Variants in RPS6KC1 observed in about 807,000 individuals in gnomAD.
RPS6KC1 encodes inactive ribosomal protein S6 kinase delta-1.
Under a neutral mutation model 103.8 loss-of-function variants are expected in RPS6KC1, and 54 were observed. The observed-to-expected ratio is 0.52, with a 90% confidence interval of 0.42 to 0.65. The LOEUF (loss-of-function observed/expected upper bound fraction) is 0.65, where lower values mean the gene tolerates loss of function less well. Among genes scored for constraint, RPS6KC1 ranks in the 30% least tolerant of loss-of-function variants. The pLI is 0.00. For synonymous variants in RPS6KC1, 439 were observed against 438.7 expected, an observed-to-expected ratio of 1.00 and a Z score of -0.01; for missense variants, 1,151 against 1,253.8, an observed-to-expected ratio of 0.92 and a Z score of 1.24.
At chr1:213,205,949 A>G (rs2148626622) in intron 8 of RPS6KC1, among the ~76,000 whole-genome samples, 1 of 152,234 alleles carries the variant, frequency 6.6e-6, no homozygotes, top group East Asian at 1.9e-4. Context: ...TCCGATGAGC[A>G]TTTCCTTTGA....
At chr1:213,492,227 G>A in the RPS6KC1 span, 4 of 152,234 alleles carry the variant, frequency 2.6e-5, no homozygotes, top group Admixed American at 2.0e-4. Context: ...GACCCCACTC[G>A]GGTGGCCACA....
intron 12 of RPS6KC1, among the ~76,000 whole-genome samples, chr1:213,256,024 A>G (rs1459240168): frequency 1.3e-5 from 2 of 151,552 alleles, no homozygotes; most frequent in East Asian, 1.9e-4. Flanking sequence ...AAATTATTCA[A>G]TGTCTTCTTT....
the RPS6KC1 span, among the ~76,000 whole-genome samples, chr1:213,319,394 T>C: frequency 6.6e-6 from 1 of 151,880 alleles, no homozygotes; most frequent in African/African-American, 2.4e-5. Flanking sequence ...GGAGGCTCTT[T>C]AGACAGAGTA....
At chr1:213,105,262 A>G (rs551038219) in intron 4 of RPS6KC1, among the ~76,000 whole-genome samples, 78 of 109,188 alleles carry the variant, frequency 7.1e-4, no homozygotes, top group African/African-American at 2.6e-3. Context: ...TTTCTAACTT[A>G]TTTTGAACTG....
At chr1:213,320,644 G>A in the RPS6KC1 span, among the ~76,000 whole-genome samples, 1 of 152,206 alleles carries the variant, frequency 6.6e-6, no homozygotes, top group Non-Finnish European at 1.5e-5. Flanking sequence ...CCCTTAATGT[G>A]GCCTCGAAGG....
chr1:213,502,089 C>A, the RPS6KC1 span, among the ~76,000 whole-genome samples: 3 of 152,184 alleles, frequency 2.0e-5, no homozygotes, highest in Non-Finnish European at 2.9e-5. Context: ...ACCTAAGAGG[C>A]ATGCTAGTTG....
the RPS6KC1 span, among the ~76,000 whole-genome samples, chr1:213,602,029 TCTTTCTC>T: frequency 1.5e-4 from 1 of 6,814 alleles, no homozygotes; most frequent in African/African-American, 3.2e-4. Context: ...TCTTTCTTTC[TCTTTCTC>T]TTTCTTTCTT....
At chr1:213,091,578 T>C (rs1006837630) in intron 3 of RPS6KC1, among the ~76,000 whole-genome samples, 1 of 152,230 alleles carries the variant, frequency 6.6e-6, no homozygotes, top group Non-Finnish European at 1.5e-5. Flanking sequence ...GTATTGGTCA[T>C]TTGAAAAATA....
At chr1:213,845,754 T>TC in the RPS6KC1 span, among the ~76,000 whole-genome samples, 1 of 152,302 alleles carries the variant, frequency 6.6e-6, no homozygotes, top group Admixed American at 6.5e-5. Context: ...GCTCTGTGAA[T>TC]ACATATTACA....
intron 6 of RPS6KC1, among the ~76,000 whole-genome samples, chr1:213,132,415 G>A (rs1396689171): frequency 6.6e-6 from 1 of 152,076 alleles, no homozygotes; most frequent in Admixed American, 6.5e-5. Context: ...TTTTTAACCA[G>A]TATATAAAAG....
chr1:213,433,080 A>C, the RPS6KC1 span, among the ~76,000 whole-genome samples: 1 of 152,358 alleles, frequency 6.6e-6, no homozygotes, highest in South Asian at 2.1e-4. Context: ...TCAAGGTGTC[A>C]GCAGGACTGA....
At chr1:213,483,280 C>T in the RPS6KC1 span, among the ~76,000 whole-genome samples, 1 of 152,162 alleles carries the variant, frequency 6.6e-6, no homozygotes, top group Non-Finnish European at 1.5e-5. Context: ...CCCACTGGGT[C>T]CCTCCCATGA....
At chr1:213,262,957 TG>T in intron 14 of RPS6KC1, 141 bp downstream of exon 14, 3 of 630,620 alleles carry the variant, frequency 4.8e-6, no homozygotes. Context: ...GAATTAATAC[TG>T]TATATTTTCA....
chr1:213,477,311 C>T, the RPS6KC1 span, among the ~76,000 whole-genome samples: 9 of 151,168 alleles, frequency 6.0e-5, no homozygotes, highest in African/African-American at 1.5e-4. Context: ...TTTATTAAAT[C>T]GGGCTTGCAA....
At chr1:213,417,456 G>C in the RPS6KC1 span, among the ~76,000 whole-genome samples, 1 of 152,090 alleles carries the variant, frequency 6.6e-6, no homozygotes, top group Non-Finnish European at 1.5e-5. Context: ...TCTTTGCATC[G>C]AGCTTCCTTT....
At chr1:213,441,837 G>A in the RPS6KC1 span, among the ~76,000 whole-genome samples, 3 of 152,234 alleles carry the variant, frequency 2.0e-5, no homozygotes, top group African/African-American at 7.2e-5. Context: ...AAATTGCTGA[G>A]TAATTTTCAA....
intron 8 of RPS6KC1, among the ~76,000 whole-genome samples, chr1:213,228,786 A>T (rs1468709713): frequency 6.6e-5 from 10 of 152,168 alleles, no homozygotes; most frequent in Non-Finnish European, 1.2e-4. Context: ...GGGAGGATTA[A>T]TATTGATTAC....
the RPS6KC1 span, among the ~76,000 whole-genome samples, chr1:213,813,590 GT>G: frequency 6.6e-6 from 1 of 152,152 alleles, no homozygotes; most frequent in Non-Finnish European, 1.5e-5. Flanking sequence ...GCAAATTTCC[GT>G]TTTTGTCTGG....
chr1:213,664,669 G>C, the RPS6KC1 span, among the ~76,000 whole-genome samples: 1 of 152,118 alleles, frequency 6.6e-6, no homozygotes, highest in Non-Finnish European at 1.5e-5. Flanking sequence ...CCAGCCAATG[G>C]GCTGGCTACT....
Sources: allele counts gnomAD v4.1 joint callset (sites outside exome capture counted in the v4.1 genomes callset), GRCh38; gene constraint gnomAD v4.1.1; transcripts MANE v1.5; gene names NCBI Gene and HGNC (gene_info 2026-07-23, HGNC 2026-07-21).